Variants in NETO1 observed in about 807,000 individuals in gnomAD.
NETO1 encodes neuropilin and tolloid like 1.
In NETO1, 26 loss-of-function variants were observed where a neutral mutation model predicts 61.3. That is an observed-to-expected ratio of 0.42 (90% CI 0.31 to 0.59). The LOEUF (loss-of-function observed/expected upper bound fraction) is 0.59. Among genes scored for constraint, NETO1 ranks in the 20% least tolerant of loss-of-function variants. The probability of loss-of-function intolerance (pLI) is 0.12; values close to 1 mark genes in which losing one functional copy is unlikely to be tolerated. For missense variants in NETO1, 531 were observed against 662.8 expected, an observed-to-expected ratio of 0.80 and a Z score of 2.18; for synonymous variants, 225 against 225.8, an observed-to-expected ratio of 1.00 and a Z score of 0.03.
intron 4 of NETO1, among the ~76,000 whole-genome samples, chr18:72,810,847 C>T (rs1268151180): frequency 2.0e-5 from 3 of 152,038 alleles, no homozygotes; most frequent in East Asian, 3.9e-4. Flanking sequence ...TTTTTAGGTT[C>T]GGTGATGTTA....
At chr18:72,825,889 G>T (rs2073356598) in intron 4 of NETO1, among the ~76,000 whole-genome samples, 1 of 152,098 alleles carries the variant, frequency 6.6e-6, no homozygotes. Context: ...TAAAACACTA[G>T]ATTTTTTTAG....
intron 8 of NETO1, among the ~76,000 whole-genome samples, chr18:72,750,849 T>C (rs906278645): frequency 5.1e-5 from 7 of 138,108 alleles, no homozygotes; most frequent in African/African-American, 8.0e-5. Flanking sequence ...TCCCTCCCCA[T>C]TGCCCAGCAT....
At chr18:72,762,865 G>A (rs1387383849) in intron 7 of NETO1, among the ~76,000 whole-genome samples, 4 of 152,172 alleles carry the variant, frequency 2.6e-5, no homozygotes, top group South Asian at 2.1e-4. Context: ...AGCAGGGGAC[G>A]ACAAATCTCT....
intron 4 of NETO1, among the ~76,000 whole-genome samples, chr18:72,817,518 C>G (rs796310651): frequency 3.2e-4 from 48 of 152,202 alleles, no homozygotes; most frequent in African/African-American, 1.1e-3. Context: ...TTTTTTAAAC[C>G]AACAAAGTAA....
chr18:72,772,178 C>T (rs1018857517), intron 7 of NETO1, among the ~76,000 whole-genome samples: 5 of 133,098 alleles, frequency 3.8e-5, no homozygotes, highest in African/African-American at 1.3e-4. Context: ...ATATGGCAGG[C>T]TGCTTCTTTA....
chr18:72,803,169 G>T (rs1399969182), intron 4 of NETO1, among the ~76,000 whole-genome samples: 2 of 152,168 alleles, frequency 1.3e-5, no homozygotes, highest in Admixed American at 1.3e-4. Context: ...AGTTTCAAGG[G>T]AAGGAGATGT....
intron 4 of NETO1, among the ~76,000 whole-genome samples, chr18:72,809,773 G>A (rs1381347978): frequency 6.6e-6 from 1 of 152,176 alleles, no homozygotes; most frequent in Admixed American, 6.5e-5. Context: ...TTAACTGTAT[G>A]TCTTCAAATG....
At chr18:72,743,471 A>C (rs1408140159), downstream of NETO1, among the ~76,000 whole-genome samples, 1 of 152,186 alleles carries the variant, frequency 6.6e-6, no homozygotes, top group African/African-American at 2.4e-5. Flanking sequence ...ATTTATTTTT[A>C]TCTTCCATGG....
intron 1 of NETO1, among the ~76,000 whole-genome samples, chr18:72,866,316 G>C (rs2074730900): frequency 6.6e-6 from 1 of 152,046 alleles, no homozygotes; most frequent in East Asian, 1.9e-4. Flanking sequence ...TCTAGGTCTT[G>C]ATATTAATAT....
chr18:72,795,135 T>G (rs17295114), intron 4 of NETO1, among the ~76,000 whole-genome samples: 13,723 of 152,210 alleles, frequency 0.09, 864 homozygotes, highest in Middle Eastern at 0.22. Context: ...GTGTCATGAG[T>G]CTAAGATGTT....
At chr18:72,818,015 C>A (rs997920045) in intron 4 of NETO1, among the ~76,000 whole-genome samples, 1 of 152,134 alleles carries the variant, frequency 6.6e-6, no homozygotes, top group East Asian at 1.9e-4. Flanking sequence ...GATTGCAACT[C>A]GGGCTTATAA....
intron 6 of NETO1, among the ~76,000 whole-genome samples, chr18:72,793,763 C>T (rs1352229134): frequency 6.6e-6 from 1 of 152,102 alleles, no homozygotes; most frequent in Admixed American, 6.5e-5. Flanking sequence ...TTTTAGTTTA[C>T]AAAATAAACC....
At chr18:72,796,289 T>G (rs2145292290) in intron 4 of NETO1, among the ~76,000 whole-genome samples, 1 of 152,278 alleles carries the variant, frequency 6.6e-6, no homozygotes, top group South Asian at 2.1e-4. Flanking sequence ...AAGGTTTTGT[T>G]GTTGTTGTTG....
At chr18:72,753,293 C>A (rs1473553962) in intron 8 of NETO1, among the ~76,000 whole-genome samples, 7 of 151,130 alleles carry the variant, frequency 4.6e-5, no homozygotes, top group South Asian at 4.2e-4. Flanking sequence ...TAGAAAGGAG[C>A]CTCAATCAAA....
chr18:72,867,139 A>T (rs1487636866), intron 1 of NETO1, 125 bp downstream of exon 1: 1 of 657,344 alleles, frequency 1.5e-6, no homozygotes, highest in Non-Finnish European at 2.3e-6. Flanking sequence ...GTCGGCCCCG[A>T]CCCGCGCGGG....
intron 7 of NETO1, among the ~76,000 whole-genome samples, chr18:72,763,166 A>C (rs2071037120): frequency 6.6e-6 from 1 of 152,102 alleles, no homozygotes; most frequent in Non-Finnish European, 1.5e-5. Flanking sequence ...TCTGCTAAAT[A>C]ATATTCAAGA....
At chr18:72,751,343 T>G (rs1443563823) in intron 8 of NETO1, among the ~76,000 whole-genome samples, 6 of 152,202 alleles carry the variant, frequency 3.9e-5, no homozygotes, top group Non-Finnish European at 7.3e-5. Flanking sequence ...CTGTGGCATT[T>G]GAGCCATGAC....
chr18:72,748,307 T>C, intron 10 of NETO1, 143 bp from the exon 11 acceptor site: 4 of 984,568 alleles, frequency 4.1e-6, no homozygotes, highest in Non-Finnish European at 4.8e-6. Flanking sequence ...TAGAAGAGAT[T>C]AGCTGTCAAG....
intron 7 of NETO1, among the ~76,000 whole-genome samples, chr18:72,766,636 G>T (rs2071171535): frequency 6.6e-6 from 1 of 151,976 alleles, no homozygotes; most frequent in Admixed American, 6.5e-5. Flanking sequence ...TTTTATACAA[G>T]AAATTCTGTT....
Sources: gnomAD v4.1 joint callset for allele counts (sites outside exome capture counted in the v4.1 genomes callset) on GRCh38, gnomAD v4.1.1 for gene constraint, MANE v1.5 for transcripts, NCBI Gene and HGNC (gene_info 2026-07-23, HGNC 2026-07-21) for gene names.